NUDCD1: variants seen among roughly 807,000 people sequenced by gnomAD.
NUDCD1 encodes the protein nudC domain-containing protein 1.
A neutral mutation model predicts 67.8 loss-of-function variants in NUDCD1; 60 were observed. The observed-to-expected ratio is 0.88, with a 90% CI of 0.72 to 1.10. The LOEUF is 1.10. Among genes scored for constraint, NUDCD1 ranks in the 50% least tolerant of loss-of-function variants. The pLI is 0.00. For synonymous variants in NUDCD1, 244 were observed against 230.8 expected (o/e 1.06, Z -0.52); for missense variants, 643 against 695.0 (o/e 0.93, Z 0.84).
intron 6 of NUDCD1, among the ~76,000 whole-genome samples, chr8:109,278,802 A>G (rs953380933): frequency 6.6e-6 from 1 of 152,186 alleles, no homozygotes. Flanking sequence ...TTTCAGTAAC[A>G]CTAGAGATAT....
intron 1 of NUDCD1, among the ~76,000 whole-genome samples, chr8:109,333,588 G>A (rs1563689698): frequency 6.6e-6 from 1 of 152,192 alleles, no homozygotes; most frequent in Non-Finnish European, 1.5e-5. Flanking sequence ...AAGCCAGGCT[G>A]TGGACACACA....
At chr8:109,320,247 C>CT (rs1398506076) in intron 2 of NUDCD1, among the ~76,000 whole-genome samples, 1 of 152,180 alleles carries the variant, frequency 6.6e-6, no homozygotes, top group Non-Finnish European at 1.5e-5. Flanking sequence ...CCTGGGAGCA[C>CT]TATGGGAGAC....
At chr8:109,328,801 A>C (rs1366582078) in intron 1 of NUDCD1, among the ~76,000 whole-genome samples, 2 of 152,232 alleles carry the variant, frequency 1.3e-5, no homozygotes, top group African/African-American at 4.8e-5. Flanking sequence ...CATTATAAAA[A>C]TACAAAAATA....
Position 109,242,038 on chromosome 8 carries a change from G to C in NUDCD1, c.*971C>G. The C allele has an allele frequency of 2.5e-6, 1 of 397,932 alleles. No homozygotes were observed. The highest frequency in any genetic ancestry group is 4.4e-6 in the Non-Finnish European group (1 of 225,600). 24.7% of individuals were successfully genotyped at this position (397,932 alleles called of 1,614,324 possible). On this transcript the variant is annotated 3_prime_UTR_variant, in exon 10 of 10. Transcript: ENST00000239690. ...GTTGAAGTTGTTAGAAAAATAAAGAGAGCCACAAGGATAAATTATAATTTG... is the reference window on the plus strand; with the variant it reads ...GTTGAAGTTGTTAGAAAAATAAAGACAGCCACAAGGATAAATTATAATTTG...
chr8:109,269,873 G>GACAT (rs1422016217), intron 8 of NUDCD1, among the ~76,000 whole-genome samples: 1 of 147,674 alleles, frequency 6.8e-6, no homozygotes, highest in Non-Finnish European at 1.5e-5. Flanking sequence ...ACAACTCTAT[G>GACAT]AAACACATTT....
At chr8:109,257,864 T>TTTA (rs1195115231) in intron 8 of NUDCD1, among the ~76,000 whole-genome samples, 1 of 152,140 alleles carries the variant, frequency 6.6e-6, no homozygotes, top group African/African-American at 2.4e-5. Context: ...CTAATAAAAC[T>TTTA]TTATTTATAA....
At chr8:109,293,278 G>T in intron 4 of NUDCD1, 66 bp downstream of exon 4, 1 of 832,868 alleles carries the variant, frequency 1.2e-6, no homozygotes, top group African/African-American at 1.8e-5. Context: ...TACAGGGACA[G>T]CTTTGTGTTT....
chr8:109,258,100 T>C (rs899449299), intron 8 of NUDCD1, among the ~76,000 whole-genome samples: 2 of 152,198 alleles, frequency 1.3e-5, no homozygotes, highest in African/African-American at 4.8e-5. Context: ...GCCACAAAGA[T>C]GACTTTGTGT....
At chr8:109,322,540 GC>G in intron 1 of NUDCD1, 77 bp from the exon 2 acceptor site, 1 of 1,086,640 alleles carries the variant, frequency 9.2e-7, no homozygotes, top group Non-Finnish European at 1.3e-6. Flanking sequence ...TGCCTACAAG[GC>G]AAAAAAAAAA....
Position 109,333,747 on chromosome 8 carries a change from C to T in NUDCD1, c.118+146G>A, listed in dbSNP as rs991034952. 8.2e-6 allele frequency: 7 copies of T among 856,426 alleles called. No individual in the cohort carries two copies. The African/African-American group carries it at 1.0e-4, about 13-fold the overall frequency. 53.1% of individuals were successfully genotyped at this position (856,426 alleles called of 1,614,324 possible). ...GGGTTCTGGGATGGGCATCATTCCCCAGAAGCAGCGGCCTCCGTGAGTCCA... is the reference window on the plus strand; with the variant it reads ...GGGTTCTGGGATGGGCATCATTCCCTAGAAGCAGCGGCCTCCGTGAGTCCA... On this transcript the variant is annotated intron_variant, in intron 1 of 9. Transcript: ENST00000239690.
At chr8:109,306,645 C>T (rs901058565) in intron 2 of NUDCD1, among the ~76,000 whole-genome samples, 5 of 151,996 alleles carry the variant, frequency 3.3e-5, no homozygotes, top group East Asian at 1.9e-4. Context: ...CCCCCACCCC[C>T]GGACCCCACT....
chr8:109,334,033 A>G lies in NUDCD1; in HGVS notation c.-23T>C. 1 of 1,614,012 alleles carries G rather than the reference A, an allele frequency of 6.2e-7. No homozygotes were observed. Among genetic ancestry groups the G allele is most frequent in the Non-Finnish European group, 8.5e-7 (1 of 1,179,954 alleles). ...CATCGCTTTCCAGGGCCGCAGCGTG[A>G]GAATTAATAAAGCCCTTGTTGAAAG... On this transcript the variant is annotated 5_prime_UTR_variant, in exon 1 of 10. Coordinates refer to ENST00000239690, the MANE Select transcript of NUDCD1 (RefSeq NM_032869.4).
intron 1 of NUDCD1, among the ~76,000 whole-genome samples, chr8:109,332,612 A>G (rs1163331506): frequency 6.6e-6 from 1 of 152,174 alleles, no homozygotes; most frequent in African/African-American, 2.4e-5. Flanking sequence ...AATGAGCCCA[A>G]CTAGGACTAG....
intron 8 of NUDCD1, among the ~76,000 whole-genome samples, chr8:109,247,696 T>C (rs16879260): frequency 0.07 from 10,726 of 152,198 alleles, 1,228 homozygotes; most frequent in African/African-American, 0.24. Flanking sequence ...TTTTACCTGA[T>C]AGATTCCCAC....
At chr8:109,293,038 C>T (rs527440426) in intron 4 of NUDCD1, among the ~76,000 whole-genome samples, 2 of 151,900 alleles carry the variant, frequency 1.3e-5, no homozygotes, top group African/African-American at 2.4e-5. Context: ...GTGTATCACA[C>T]ATATATATGC....
chr8:109,254,028 T>C (rs1813676284), intron 8 of NUDCD1, among the ~76,000 whole-genome samples: 1 of 152,140 alleles, frequency 6.6e-6, no homozygotes, highest in East Asian at 1.9e-4. Context: ...ACTAGAGAAC[T>C]ATTTATTCTG....
chr8:109,293,605 T>C (rs542663053), intron 3 of NUDCD1, 81 bp from the exon 4 acceptor site: 5 of 666,134 alleles, frequency 7.5e-6, no homozygotes, highest in African/African-American at 7.4e-5. Flanking sequence ...TATAGGATTC[T>C]GGTGATTCAA....
chr8:109,258,413 AT>A (rs1413255285), intron 8 of NUDCD1, among the ~76,000 whole-genome samples: 2 of 152,040 alleles, frequency 1.3e-5, no homozygotes, highest in African/African-American at 2.4e-5. Context: ...AACAAACTGC[AT>A]TTATTATCAA....
chr8:109,267,857 C>T (rs1258668207), intron 8 of NUDCD1, among the ~76,000 whole-genome samples: 1 of 152,174 alleles, frequency 6.6e-6, no homozygotes, highest in African/African-American at 2.4e-5. Context: ...CTCTTAGGAA[C>T]ACAGAAGACT....
Sources: allele counts gnomAD v4.1 joint callset (sites outside exome capture counted in the v4.1 genomes callset), GRCh38; gene constraint gnomAD v4.1.1; transcripts MANE v1.5; gene names NCBI Gene and HGNC (gene_info 2026-07-23, HGNC 2026-07-21).